Variants in ZNF28 observed in about 807,000 individuals in gnomAD.
ZNF28 encodes zinc finger protein 28, also known as zinc finger protein KOX24.
ZNF28 carries 5 observed loss-of-function variants against 7.2 expected under a neutral mutation model. That is an observed-to-expected ratio of 0.70 (90% CI 0.36 to 1.46). The LOEUF (loss-of-function observed/expected upper bound fraction) is 1.46. ZNF28 is among the 40% of genes most tolerant of loss of function. The pLI, the probability that ZNF28 is intolerant of heterozygous loss-of-function variation, is 0.03. For missense variants in ZNF28, 879 were observed against 866.6 expected (o/e 1.01, Z -0.18); for synonymous variants, 288 against 292.4 (o/e 0.99, Z 0.15).
At chr19:52,810,554 A>T (rs2147651292) in intron 2 of ZNF28, 6 of 1,595,392 alleles carry the variant, frequency 3.8e-6, no homozygotes, top group Admixed American at 3.3e-5. Flanking sequence ...AGGCATCAGC[A>T]CAACAGACCG....
In ZNF28 at chr19:52,801,636, T is replaced by A. The variant is rs974092096; in HGVS notation, c.209A>T (p.His70Leu). ...TGCTTGTCTTTGCAATGTCCCTGTG[T>A]GGAACGCTTCTGTATTGCCTTGCCC... ...STGQGNTEAF[H>L]TGTLQRQASH... The change falls in exon 4 of 4, where the codon CAC (histidine) becomes CTC (leucine). Residue 70 changes from histidine to leucine, a missense_variant. Physicochemically the swap from His to Leu is moderately conservative, Grantham distance 99. This residue lies in a region of ZNF28 where 864 missense variants were observed against 830.2 expected (regional missense o/e 1.04). Transcript: ENST00000457749. 8.7e-6 allele frequency: 14 copies of A among 1,613,854 alleles called. No homozygotes were observed. The highest frequency in any genetic ancestry group is 6.7e-5 in the East Asian group (3 of 44,892).
At position 52,799,371 on chromosome 19, in the gene ZNF28, T is replaced by C. The variant is rs575039843; in HGVS notation, c.*317A>G. On this transcript the variant is annotated 3_prime_UTR_variant, in exon 4 of 4. Transcript: ENST00000457749. ...ACATCTGTGTGGTTTCTCTTCAGCA[T>C]GCATTTTCTTATGTGTTTCAAGGTT... 1.7e-6 allele frequency: 1 copy of C among 579,214 alleles called. No homozygotes were observed. Among genetic ancestry groups the C allele is most frequent in the Non-Finnish European group, 3.1e-6 (1 of 318,648 alleles). The allele number at this position is 579,214 out of a possible 1,614,324, so 35.9% of individuals were successfully genotyped here.
chr19:52,799,193 C>T lies in ZNF28; in HGVS notation c.*495G>A, dbSNP rs1341224772. 4.8e-6 allele frequency: 2 copies of T among 415,412 alleles called. No homozygotes were observed. Among genetic ancestry groups the T allele is most frequent in the Non-Finnish European group, 9.3e-6 (2 of 215,688 alleles). 25.7% of individuals were successfully genotyped at this position (415,412 alleles called of 1,614,324 possible). A position where few individuals can be genotyped will look rare whatever the true frequency, so the allele number is the denominator to read the frequency against. On this transcript the variant is annotated 3_prime_UTR_variant, in exon 4 of 4. Coordinates refer to ENST00000457749, the MANE Select transcript of ZNF28 (RefSeq NM_006969.5). ...CACATTCATTACACTTGTAGGGTTT[C>T]TCTCCAATACGAATTGCCTTTTGAA...
At chr19:52,812,066 C>T (rs1257198311) in intron 2 of ZNF28, among the ~76,000 whole-genome samples, 5 of 80,902 alleles carry the variant, frequency 6.2e-5, no homozygotes, top group East Asian at 5.9e-4. Flanking sequence ...AGGTGAGGGG[C>T]GCCTCTGCCC....
At chr19:52,809,918 C>T (rs889075702) in intron 2 of ZNF28, 64 of 848,646 alleles carry the variant, frequency 7.5e-5, no homozygotes, top group African/African-American at 2.2e-4. Flanking sequence ...TGCCCGGGGC[C>T]GGTGGGGAGG....
Position 52,814,060 on chromosome 19 carries a change from G to T in ZNF28, c.15+3884C>A, listed in dbSNP as rs1404036696. ...GAAAAAACTTTTTTAAGTTACTACA[G>T]AATTTCTTCTAAAGCCTCATAATGC... is the stretch of plus-strand genomic sequence containing the variant. On this transcript the variant is annotated intron_variant, in intron 2 of 3. Transcript: ENST00000457749. 1.4e-5 allele frequency among the ~76,000 whole-genome samples: 2 copies of T among 146,274 alleles called. 1 individual carries two copies. Among genetic ancestry groups the T allele is most frequent in the African/African-American group, 5.3e-5 (2 of 37,576 alleles).
intron 2 of ZNF28, chr19:52,810,650 T>A: frequency 8.2e-7 from 1 of 1,217,796 alleles, no homozygotes; most frequent in Non-Finnish European, 1.2e-6. Context: ...AACAGCAGGC[T>A]CTGGGGTCGC....
chr19:52,802,046 A>G (rs2062879132), intron 3 of ZNF28, among the ~76,000 whole-genome samples: 1 of 152,198 alleles, frequency 6.6e-6, no homozygotes, highest in Non-Finnish European at 1.5e-5. Flanking sequence ...AAAAATATAT[A>G]TTCTTCATAT....
At chr19:52,818,536 A>C (rs532785290) in intron 1 of ZNF28, among the ~76,000 whole-genome samples, 157 of 122,438 alleles carry the variant, frequency 1.3e-3, no homozygotes, top group African/African-American at 4.6e-3. Flanking sequence ...AACATGGTGA[A>C]ACCCTGTCTC....
At chr19:52,819,697 T>A (rs564129023) in intron 1 of ZNF28, among the ~76,000 whole-genome samples, 1 of 142,378 alleles carries the variant, frequency 7.0e-6, no homozygotes, top group African/African-American at 2.9e-5. Context: ...GCTAATGGGA[T>A]GGACTGGTCT....
At chr19:52,818,101 T>C in intron 1 of ZNF28, 70 bp from the exon 2 acceptor site, 2 of 1,403,066 alleles carry the variant, frequency 1.4e-6, no homozygotes, top group Non-Finnish European at 9.7e-7. Flanking sequence ...CAACAACACA[T>C]ACAAAGGAGA....
At position 52,815,119 on chromosome 19, in the gene ZNF28, G is replaced by A. The variant is rs182346463; in HGVS notation, c.15+2825C>T. On this transcript the variant is annotated intron_variant, in intron 2 of 3. Coordinates refer to ENST00000457749, the MANE Select transcript of ZNF28 (RefSeq NM_006969.5). ...TATATATTTATATATATATATAAAGGTTTTTAAAATATAAAAAGTAGCAAG... is the reference window on the plus strand; with the variant it reads ...TATATATTTATATATATATATAAAGATTTTTAAAATATAAAAAGTAGCAAG... Among the ~76,000 whole-genome samples, 1,329 of 142,468 alleles carry A rather than the reference G, an allele frequency of 9.3e-3. 220 individuals carry two copies. The highest frequency in any genetic ancestry group is 0.035 in the African/African-American group (1,266 of 36,230). 93.5% of individuals were successfully genotyped at this position (142,468 alleles called of 152,430 possible).
rs756623889 is a variant in ZNF28 at position 52,800,459 on chromosome 19, A to C, written c.1386T>G (p.Thr462=). Residue 462 remains threonine (T), a synonymous_variant, in exon 4 of 4, where the codon ACT becomes ACG. Coordinates refer to ENST00000457749, the MANE Select transcript of ZNF28 (RefSeq NM_006969.5). ...CTTCACATTTGTATGGTTTCTCTGC[A>C]GTATGAAGTCTATGATGGCGTGCAA... ...STLARHHRLH[T]AEKPYKCEEC... is the part of the protein sequence containing the mutation. The C allele has an allele frequency of 6.2e-7, 1 of 1,613,678 alleles. No homozygotes were observed. Among genetic ancestry groups the C allele is most frequent in the Non-Finnish European group, 8.5e-7 (1 of 1,179,862 alleles).
At position 52,800,274 on chromosome 19, in the gene ZNF28, A is replaced by G. The variant is rs8107444; in HGVS notation, c.1571T>C (p.Met524Thr). 0.89 allele frequency: 1,443,133 copies of G among 1,612,962 alleles called. 647,149 individuals are homozygous for G. The highest frequency in any genetic ancestry group is 0.93 in the East Asian group (41,748 of 44,826). The change falls in exon 4 of 4, where the codon ATG (methionine) becomes ACG (threonine). Residue 524 changes from methionine (M) to threonine (T), a missense_variant. By Grantham distance (81) the Met-to-Thr change is moderately conservative (BLOSUM62 -1). Around this residue, in one of 2 missense-constraint regions of ZNF28, gnomAD observed 864 missense variants for 830.2 expected, o/e 1.04. Transcript: ENST00000457749. ...AAAAACCTTGCCACATTCATTACAC[A>G]TGTATGGTTTCTCTCCAGTATGAAC... ...QRVHTGEKPY[M>T]CNECGKVFST...
At chr19:52,813,336 A>G (rs1206851152) in intron 2 of ZNF28, among the ~76,000 whole-genome samples, 1 of 145,802 alleles carries the variant, frequency 6.9e-6, no homozygotes, top group Non-Finnish European at 1.5e-5. Context: ...TTTGGGGAGC[A>G]GGGGAAGGCC....
Position 52,798,670 on chromosome 19 carries a change from A to G in ZNF28, c.*1018T>C. On this transcript the variant is annotated 3_prime_UTR_variant, in exon 4 of 4. Transcript: ENST00000457749. ...ATGAAACTTGACTGAAGACCTTGCC[A>G]CAATCATGACATTTATAAGGTTTCT... is the stretch of plus-strand genomic sequence containing the variant. 2.3e-6 allele frequency: 1 copy of G among 437,708 alleles called. No individual in the cohort carries two copies. Among genetic ancestry groups the G allele is most frequent in the South Asian group, 1.8e-5 (1 of 56,166 alleles). The allele number at this position is 437,708 out of a possible 1,614,324, so 27.1% of individuals were successfully genotyped here. A position where few individuals can be genotyped will look rare whatever the true frequency, so the allele number is the denominator to read the frequency against.
Position 52,799,778 on chromosome 19 carries a change from T to C in ZNF28, c.2067A>G (p.Lys689=), listed in dbSNP as rs578181697. Residue 689 remains lysine, a synonymous_variant, in exon 4 of 4, where the codon AAA becomes AAG. Coordinates refer to ENST00000457749, the MANE Select transcript of ZNF28 (RefSeq NM_006969.5). Reference sequence around the variant, plus strand: ...TGCCACACTCATTACACTTGTAAGGTTTCTCTCCAGTATGAACTCTCTGAT... The same window carrying C: ...TGCCACACTCATTACACTTGTAAGGCTTCTCTCCAGTATGAACTCTCTGAT... ...AQHQRVHTGE[K]PYKCNECGKT... is the part of the protein sequence containing the mutation. 1.9e-6 allele frequency: 3 copies of C among 1,614,176 alleles called. No homozygotes were observed. The highest frequency in any genetic ancestry group is 2.5e-6 in the Non-Finnish European group (3 of 1,180,018).
chr19:52,815,651 C>T (rs2147678820), intron 2 of ZNF28, among the ~76,000 whole-genome samples: 1 of 146,462 alleles, frequency 6.8e-6, no homozygotes, highest in East Asian at 2.0e-4. Context: ...AATGAAACCC[C>T]ATCTCTACTA....
At chr19:52,812,874 T>C (rs1417646053) in intron 2 of ZNF28, among the ~76,000 whole-genome samples, 2 of 150,290 alleles carry the variant, frequency 1.3e-5, no homozygotes, top group Admixed American at 6.6e-5. Context: ...CTGATTACTA[T>C]AGTTTTAAGG....
Sources: gnomAD v4.1 joint callset for allele counts (sites outside exome capture counted in the v4.1 genomes callset) on GRCh38, gnomAD v4.1.1 for gene constraint, gnomAD v4.1.1 regional missense constraint, MANE v1.5 for transcripts, NCBI Gene and HGNC (gene_info 2026-07-23, HGNC 2026-07-21) for gene names.